The following SAMD3 variants were observed in gnomAD, a reference collection of about 807,000 sequenced individuals.
SAMD3 encodes sterile alpha motif domain containing 3.
A neutral mutation model predicts 58.5 loss-of-function variants in SAMD3; 63 were observed. That is an observed-to-expected ratio of 1.08 (90% confidence interval 0.88 to 1.33). SAMD3 has a LOEUF of 1.33. Ranked by LOEUF, SAMD3 falls within the 40% of genes most tolerant of loss-of-function variation. SAMD3 has a pLI of 0.00. For synonymous variants in SAMD3, 220 were observed against 210.3 expected, an observed-to-expected ratio of 1.05 and a Z score of -0.40; for missense variants, 604 against 608.4, an observed-to-expected ratio of 0.99 and a Z score of 0.08.
chr6:130,277,353 G>A (rs1483070764), intron 2 of SAMD3, among the ~76,000 whole-genome samples: 1 of 152,200 alleles, frequency 6.6e-6, no homozygotes, highest in Non-Finnish European at 1.5e-5. Flanking sequence ...TTACACTCAG[G>A]AATGAACAAG....
chr6:130,193,525 C>T (rs1207019144), intron 5 of SAMD3, among the ~76,000 whole-genome samples: 5 of 151,998 alleles, frequency 3.3e-5, no homozygotes, highest in African/African-American at 9.7e-5. Context: ...AGGGTAAGAA[C>T]CCCTGAACCC....
intron 1 of SAMD3, among the ~76,000 whole-genome samples, chr6:130,221,312 TA>T (rs1796215905): frequency 6.6e-6 from 1 of 152,136 alleles, no homozygotes; most frequent in African/African-American, 2.4e-5. Context: ...GATTACATAA[TA>T]AAAATAAAAT....
At chr6:130,149,235 G>A (rs980045952) in intron 9 of SAMD3, among the ~76,000 whole-genome samples, 5 of 152,146 alleles carry the variant, frequency 3.3e-5, no homozygotes, top group Non-Finnish European at 7.4e-5. Flanking sequence ...GCTGTGAATG[G>A]TCAGCCACAG....
chr6:130,278,879 G>A (rs1256365441), intron 2 of SAMD3, among the ~76,000 whole-genome samples: 1 of 152,120 alleles, frequency 6.6e-6, no homozygotes, highest in Non-Finnish European at 1.5e-5. Flanking sequence ...ATCACTTACT[G>A]CAGCCTACTG....
intron 8 of SAMD3, among the ~76,000 whole-genome samples, chr6:130,163,195 A>T (rs1040451980): frequency 2.0e-5 from 3 of 152,228 alleles, no homozygotes; most frequent in African/African-American, 7.2e-5. Flanking sequence ...TTTAAGAATG[A>T]TTACATGTTG....
intron 2 of SAMD3, among the ~76,000 whole-genome samples, chr6:130,302,111 G>C (rs1775765924): frequency 6.6e-6 from 1 of 152,080 alleles, no homozygotes; most frequent in Non-Finnish European, 1.5e-5. Flanking sequence ...AAGAGCTTCT[G>C]CACAGCAAAC....
At chr6:130,202,588 G>A (rs901817115) in intron 5 of SAMD3, among the ~76,000 whole-genome samples, 2 of 152,078 alleles carry the variant, frequency 1.3e-5, no homozygotes, top group African/African-American at 2.4e-5. Flanking sequence ...ATTTCCTAAG[G>A]TGTTTTGTTG....
intron 8 of SAMD3, among the ~76,000 whole-genome samples, chr6:130,174,687 T>A (rs1336897392): frequency 6.6e-6 from 1 of 151,970 alleles, no homozygotes; most frequent in Non-Finnish European, 1.5e-5. Context: ...TATCTTATAA[T>A]TTTAGTTTGT....
intron 1 of SAMD3, among the ~76,000 whole-genome samples, chr6:130,220,006 T>G (rs1454929873): frequency 1.3e-5 from 2 of 152,190 alleles, no homozygotes; most frequent in African/African-American, 4.8e-5. Flanking sequence ...ATTTTTTTCT[T>G]TTTCTATTTT....
intron 2 of SAMD3, among the ~76,000 whole-genome samples, chr6:130,252,757 G>T (rs889985725): frequency 6.6e-6 from 1 of 152,064 alleles, no homozygotes; most frequent in South Asian, 2.1e-4. Context: ...GGTAGGCTTA[G>T]CTTCAACTAT....
At chr6:130,264,016 A>G (rs925484845) in intron 2 of SAMD3, among the ~76,000 whole-genome samples, 2 of 152,240 alleles carry the variant, frequency 1.3e-5, no homozygotes, top group African/African-American at 4.8e-5. Context: ...AACTTTAGCA[A>G]TTAAGACAGG....
At chr6:130,188,569 T>C (rs1275643975) in intron 5 of SAMD3, among the ~76,000 whole-genome samples, 1 of 152,178 alleles carries the variant, frequency 6.6e-6, no homozygotes, top group Non-Finnish European at 1.5e-5. Flanking sequence ...GCTCCAGGCA[T>C]GTCTTTGAAA....
intron 1 of SAMD3, among the ~76,000 whole-genome samples, chr6:130,350,921 G>T (rs571396085): frequency 9.9e-5 from 15 of 152,030 alleles, no homozygotes; most frequent in African/African-American, 3.6e-4. Context: ...AGATAATGCC[G>T]CATATCTACA....
Position 130,154,862 on chromosome 6 carries a change from A to G in SAMD3, c.986T>C (p.Ile329Thr), listed in dbSNP as rs140583847. The change falls in exon 9 of 12, where the codon ATT becomes ACT. Residue 329 changes from isoleucine (I) to threonine (T), a missense_variant. Ile to Thr is a moderately conservative substitution (Grantham distance 89). Transcript: ENST00000439090. Reference sequence around the variant, plus strand: ...CTTCAAGAAAGGAAACAGTTTAAGAATGTCCTTCAGAGGTGTTCGGCTGCC... The same window carrying G: ...CTTCAAGAAAGGAAACAGTTTAAGAGTGTCCTTCAGAGGTGTTCGGCTGCC... ...MIGSRTPLKDILKLFPFLKCP... is the reference protein window; with the variant it reads ...MIGSRTPLKDTLKLFPFLKCP... 2.3e-4 allele frequency: 377 copies of G among 1,613,132 alleles called. 3 individuals carry two copies. In the East Asian group the frequency reaches 4.5e-3, roughly 19 times the overall value.
intron 7 of SAMD3, chr6:130,183,075 C>T: frequency 3.3e-6 from 1 of 298,910 alleles, no homozygotes. Context: ...AGACAGTGGT[C>T]TTTGAAATCC....
At chr6:130,325,191 T>G (rs2326938) in intron 1 of SAMD3, among the ~76,000 whole-genome samples, 35,600 of 151,932 alleles carry the variant, frequency 0.23, 5,178 homozygotes, top group African/African-American at 0.4. Flanking sequence ...AACTTATATA[T>G]AGAGAGATAT....
At chr6:130,210,783 A>G (rs1795473377) in intron 4 of SAMD3, among the ~76,000 whole-genome samples, 1 of 152,032 alleles carries the variant, frequency 6.6e-6, no homozygotes, top group Non-Finnish European at 1.5e-5. Context: ...AATTGAGGAA[A>G]AGGTGACCAG....
chr6:130,268,075 G>C (rs892443095), intron 2 of SAMD3, among the ~76,000 whole-genome samples: 1 of 152,152 alleles, frequency 6.6e-6, no homozygotes, highest in South Asian at 2.1e-4. Flanking sequence ...ACTCACGTTT[G>C]TGGTGATGCT....
intron 2 of SAMD3, among the ~76,000 whole-genome samples, chr6:130,310,285 C>T (rs1209989459): frequency 6.6e-6 from 1 of 152,150 alleles, no homozygotes; most frequent in Admixed American, 6.5e-5. Flanking sequence ...TAATCCTATA[C>T]TGCATTGCCT....
Sources: gnomAD v4.1 joint callset for allele counts (sites outside exome capture counted in the v4.1 genomes callset) on GRCh38, gnomAD v4.1.1 for gene constraint, MANE v1.5 for transcripts, NCBI Gene and HGNC (gene_info 2026-07-23, HGNC 2026-07-21) for gene names.